The following AKAP13 variants were observed in gnomAD, a reference collection of about 807,000 sequenced individuals.
The protein encoded by AKAP13 is A-kinase anchor protein 13.
Under a neutral mutation model 264.5 loss-of-function variants are expected in AKAP13, and 80 were observed. The ratio of observed to expected loss-of-function variants is 0.30; its 90% CI spans 0.25 to 0.36. The LOEUF (loss-of-function observed/expected upper bound fraction) is 0.36. Among genes scored for constraint, AKAP13 ranks in the 10% least tolerant of loss-of-function variants. The pLI, the probability that AKAP13 is intolerant of heterozygous loss-of-function variation, is 1.00. For missense variants in AKAP13, 3,712 were observed against 3,435.2 expected, an observed-to-expected ratio of 1.08 and a Z score of -2.01; for synonymous variants, 1,380 against 1,250.2, an observed-to-expected ratio of 1.10 and a Z score of -2.19.
At chr15:85,593,599 T>C (rs2079678563) in intron 8 of AKAP13, among the ~76,000 whole-genome samples, 2 of 151,892 alleles carry the variant, frequency 1.3e-5, no homozygotes, top group Non-Finnish European at 2.9e-5. Flanking sequence ...TTGTCTTAAA[T>C]GTTTTCCAAG....
chr15:85,637,846 T>C (rs2082130216), intron 8 of AKAP13, among the ~76,000 whole-genome samples: 1 of 151,808 alleles, frequency 6.6e-6, no homozygotes, highest in African/African-American at 2.4e-5. Flanking sequence ...ATTTTCTTCT[T>C]TTTCTTAATA....
chr15:85,475,911 C>G (rs148706008), intron 1 of AKAP13, among the ~76,000 whole-genome samples: 3 of 152,172 alleles, frequency 2.0e-5, no homozygotes, highest in African/African-American at 7.2e-5. Context: ...CAGTACTGTG[C>G]CAGGTGCTGT....
rs770701124 is a variant in AKAP13, at chr15:85,579,233, G to A, written c.1165G>A (p.Val389Met). The change falls in exon 7 of 37, where the codon GTG becomes ATG. Residue 389 changes from valine to methionine, a missense_variant. Physicochemically the swap from Val to Met is conservative, Grantham distance 21. Around this residue, in one of 3 missense-constraint regions of AKAP13, gnomAD observed 2,759 missense variants for 2,411.7 expected, o/e 1.14. Transcript: ENST00000394518. ...GGAAGAGGTGGAGCCAGCACCTATT[G>A]TGGACTCTGGAACTGTATCTGATCA... ...KGEEVEPAPIVDSGTVSDQDS... is the reference protein window; with the variant it reads ...KGEEVEPAPIMDSGTVSDQDS... The A allele has an allele frequency of 2.5e-5, 41 of 1,614,114 alleles. No homozygotes were observed. Among genetic ancestry groups the A allele is most frequent in the Admixed American group, 5.0e-5 (3 of 60,006 alleles).
chr15:85,696,337 G>A (rs1264032253), intron 17 of AKAP13, among the ~76,000 whole-genome samples: 1 of 152,146 alleles, frequency 6.6e-6, no homozygotes, highest in African/African-American at 2.4e-5. Flanking sequence ...TGCATGCCCA[G>A]CCCATCTCCT....
At chr15:85,649,310 A>AT (rs1182763069) in intron 10 of AKAP13, among the ~76,000 whole-genome samples, 2 of 152,100 alleles carry the variant, frequency 1.3e-5, no homozygotes, top group Non-Finnish European at 2.9e-5. Context: ...TTCATTTTTT[A>AT]TTTTACTCTC....
chr15:85,415,610 T>C, intron 1 of AKAP13: 1 of 1,435,676 alleles, frequency 7.0e-7, no homozygotes, highest in Non-Finnish European at 9.7e-7. Context: ...TCACCTGTAC[T>C]CGGATCTATG....
chr15:85,544,875 T>C (rs143351222), intron 5 of AKAP13, among the ~76,000 whole-genome samples: 8 of 152,360 alleles, frequency 5.3e-5, no homozygotes, highest in African/African-American at 1.9e-4. Context: ...GATATTTTGC[T>C]CATGCCAGAT....
At chr15:85,627,998 G>T (rs2081510137) in intron 8 of AKAP13, among the ~76,000 whole-genome samples, 2 of 152,152 alleles carry the variant, frequency 1.3e-5, no homozygotes, top group South Asian at 4.1e-4. Flanking sequence ...TCTTGAGCAG[G>T]AATTATTTTC....
Position 85,718,260 on chromosome 15 carries a change from G to T in AKAP13, c.6001+101G>T. 1 of 1,391,746 alleles carries T rather than the reference G, an allele frequency of 7.2e-7. No individual in the cohort carries two copies. Among genetic ancestry groups the T allele is most frequent in the Non-Finnish European group, 9.8e-7 (1 of 1,017,142 alleles). The allele number at this position is 1,391,746 out of a possible 1,614,324, so 86.2% of individuals were successfully genotyped here. ...ATGAAAAATCAGTTTTTTAGTATGT[G>T]GCTTCTTGAAAAGATTTCCTTTAAA... On this transcript the variant is annotated intron_variant, in intron 22 of 36. Transcript: ENST00000394518. The surrounding 1 kb of genome is among the most constrained non-coding windows in gnomAD (Gnocchi z 4.9).
intron 5 of AKAP13, among the ~76,000 whole-genome samples, chr15:85,572,669 A>ATT (rs1045304854): frequency 6.6e-6 from 1 of 150,764 alleles, no homozygotes; most frequent in African/African-American, 2.4e-5. Context: ...TAAAAAAAAA[A>ATT]TTTTTTTTTT....
chr15:85,504,924 CCCCTCTCT>C (rs1370880732), intron 2 of AKAP13, among the ~76,000 whole-genome samples: 1 of 151,900 alleles, frequency 6.6e-6, no homozygotes. Flanking sequence ...TCCCCCTCTC[CCCCTCTCT>C]CCCATCTCTC....
chr15:85,653,032 G>A (rs879502006), intron 10 of AKAP13, among the ~76,000 whole-genome samples: 10 of 152,204 alleles, frequency 6.6e-5, no homozygotes, highest in Non-Finnish European at 1.2e-4. Context: ...AGTACAGTGA[G>A]AAAGCCGAGA....
rs368682278 is a variant in AKAP13 at position 85,723,851 on chromosome 15, C to T, written c.6745+531C>T. Among the ~76,000 whole-genome samples the T allele has an allele frequency of 2.2e-4, 34 of 152,234 alleles. No individual in the cohort carries two copies. The East Asian group carries it at 5.8e-3, about 26-fold the overall frequency. On this transcript the variant is annotated intron_variant, in intron 26 of 36. Coordinates refer to ENST00000394518, the MANE Select transcript of AKAP13 (RefSeq NM_007200.5). ...TTTTATTGTTATAATTTATGATATT[C>T]GTATATCTTTAAAGCAAAATAAATC...
chr15:85,734,735 T>C (rs1300277202), intron 30 of AKAP13, among the ~76,000 whole-genome samples: 2 of 152,204 alleles, frequency 1.3e-5, no homozygotes, highest in Admixed American at 6.5e-5. Flanking sequence ...TCTAGTAAAT[T>C]ACTCTGCCTT....
chr15:85,715,645 C>T, intron 19 of AKAP13, 143 bp from the exon 20 acceptor site: 2 of 1,078,556 alleles, frequency 1.9e-6, no homozygotes, highest in East Asian at 5.7e-5. Context: ...AGTGTCCTCT[C>T]CTCCATGGAG....
At chr15:85,725,486 G>A (rs1257626904) in intron 26 of AKAP13, among the ~76,000 whole-genome samples, 15 of 152,004 alleles carry the variant, frequency 9.9e-5, no homozygotes, top group Non-Finnish European at 1.3e-4. Context: ...CAGTAGTTTA[G>A]CCTAAAAAAA....
At chr15:85,520,759 T>G (rs752506146) in intron 2 of AKAP13, 2 of 514,808 alleles carry the variant, frequency 3.9e-6, no homozygotes, top group African/African-American at 1.9e-5. Context: ...TATACAGTCA[T>G]GTGTTGTTTA....
chr15:85,677,120 C>T lies in AKAP13; in HGVS notation c.5102-5038C>T, dbSNP rs921395111. The T allele has an allele frequency of 8.1e-6, 8 of 985,276 alleles. No individual in the cohort carries two copies. The African/African-American group carries it at 1.4e-4, about 17-fold the overall frequency. 61.0% of individuals were successfully genotyped at this position (985,276 alleles called of 1,614,324 possible). Reference sequence around the variant, plus strand: ...CATAGTAAGTAAGCAACTTTGGTGTCCAGTGACTGTTCTTGAAGGTCTGAC... The same window carrying T: ...CATAGTAAGTAAGCAACTTTGGTGTTCAGTGACTGTTCTTGAAGGTCTGAC... On this transcript the variant is annotated intron_variant, in intron 14 of 36. Transcript: ENST00000394518.
Position 85,578,640 on chromosome 15 carries a change from G to A in AKAP13, c.862-290G>A, listed in dbSNP as rs190150244. ...ATTACAGGCATGAGCCACCATGCCC[G>A]GCGAGACTCAGTTTTCATCTACTTC... is the stretch of plus-strand genomic sequence containing the variant. On this transcript the variant is annotated intron_variant, in intron 6 of 36. Transcript: ENST00000394518. 9.6e-4 allele frequency among the ~76,000 whole-genome samples: 146 copies of A among 152,222 alleles called. 1 individual carries two copies. Among genetic ancestry groups the A allele is most frequent in the Non-Finnish European group, 1.4e-3 (95 of 68,014 alleles).
Sources: gnomAD v4.1 joint callset for allele counts (sites outside exome capture counted in the v4.1 genomes callset) on GRCh38, gnomAD v4.1.1 for gene constraint, gnomAD v4.1.1 regional missense constraint, Gnocchi (gnomAD v3.1) non-coding constraint, MANE v1.5 for transcripts, NCBI Gene and HGNC (gene_info 2026-07-23, HGNC 2026-07-21) for gene names.